TBC1D15: variants seen among roughly 807,000 people sequenced by gnomAD.
TBC1D15 encodes the protein TBC1 domain family member 15.
TBC1D15 carries 39 observed loss-of-function variants against 95.4 expected under a neutral mutation model. The observed-to-expected ratio is 0.41, with a 90% CI of 0.32 to 0.53. The LOEUF is 0.53. TBC1D15 is among the 20% of genes least tolerant of loss of function. The pLI, the probability that TBC1D15 is intolerant of heterozygous loss-of-function variation, is 0.29. For missense variants in TBC1D15, 733 were observed against 794.3 expected (o/e 0.92, Z 0.93); for synonymous variants, 258 against 261.3 (o/e 0.99, Z 0.12).
intron 10 of TBC1D15, among the ~76,000 whole-genome samples, chr12:71,906,194 T>C (rs1274622937): frequency 6.6e-6 from 1 of 152,070 alleles, no homozygotes; most frequent in Non-Finnish European, 1.5e-5. Context: ...TTGTAAAGAG[T>C]TTTGAGAAAG....
intron 14 of TBC1D15, among the ~76,000 whole-genome samples, chr12:71,919,818 G>A (rs1868559782): frequency 6.6e-6 from 1 of 152,056 alleles, no homozygotes; most frequent in Admixed American, 6.6e-5. Flanking sequence ...TCAAAAAATT[G>A]CATCCTCAGG....
chr12:71,892,084 C>A (rs1897281675), intron 5 of TBC1D15, among the ~76,000 whole-genome samples: 1 of 152,048 alleles, frequency 6.6e-6, no homozygotes, highest in African/African-American at 2.4e-5. Context: ...GTGAGAGAAT[C>A]TGTAAGTCTG....
chr12:71,872,618 CT>C (rs1892929720), intron 2 of TBC1D15, among the ~76,000 whole-genome samples: 1 of 152,076 alleles, frequency 6.6e-6, no homozygotes. Flanking sequence ...ATGTGCATTG[CT>C]TTTACACCAT....
chr12:71,869,230 AAAC>A (rs1167241121), intron 1 of TBC1D15, among the ~76,000 whole-genome samples: 1 of 152,212 alleles, frequency 6.6e-6, no homozygotes, highest in Non-Finnish European at 1.5e-5. Flanking sequence ...ATAATTAAAA[AAAC>A]AACTCAGGGC....
intron 4 of TBC1D15, among the ~76,000 whole-genome samples, chr12:71,881,965 T>C (rs892685830): frequency 1.4e-5 from 2 of 144,942 alleles, no homozygotes; most frequent in African/African-American, 5.1e-5. Flanking sequence ...TCTAAGCCCG[T>C]GGGTTCATTT....
chr12:71,876,703 T>C (rs962467594), intron 3 of TBC1D15, among the ~76,000 whole-genome samples: 26 of 152,286 alleles, frequency 1.7e-4, no homozygotes, highest in African/African-American at 5.5e-4. Flanking sequence ...TGTTTTGTTT[T>C]GTTTTTGTTT....
chr12:71,866,362 G>T (rs1891509720), intron 1 of TBC1D15, among the ~76,000 whole-genome samples: 1 of 152,234 alleles, frequency 6.6e-6, no homozygotes, highest in Non-Finnish European at 1.5e-5. Context: ...CTCAGCTGGG[G>T]TTAGTGCCTG....
chr12:71,859,248 T>C (rs553088466), intron 1 of TBC1D15, among the ~76,000 whole-genome samples: 2 of 152,334 alleles, frequency 1.3e-5, no homozygotes, highest in African/African-American at 4.8e-5. Flanking sequence ...GTATGTCTTC[T>C]TTTGAGAGAT....
chr12:71,850,858 G>A lies in TBC1D15; in HGVS notation c.30+11047G>A, dbSNP rs535607368. Among the ~76,000 whole-genome samples the A allele has an allele frequency of 1.1e-4, 17 of 151,596 alleles. 1 individual carries two copies. In the South Asian group the frequency reaches 1.2e-3, roughly 11 times the overall value. ...AAAAATTAGCCAGGTGTTGTGGCGC[G>A]CGCCTATAGTCCCAACTACTTGGGA... On this transcript the variant is annotated intron_variant, in intron 1 of 16. Transcript: ENST00000485960.
intron 5 of TBC1D15, among the ~76,000 whole-genome samples, chr12:71,887,149 T>C (rs1366425792): frequency 1.5e-5 from 2 of 137,172 alleles, no homozygotes; most frequent in East Asian, 4.6e-4. Flanking sequence ...TTTCTACTTA[T>C]TGAAACCGGA....
rs545217492 is a variant in TBC1D15, at chr12:71,911,890, A to G, written c.1301-1936A>G. 1.5e-4 allele frequency among the ~76,000 whole-genome samples: 23 copies of G among 152,336 alleles called. 1 individual carries two copies. The South Asian group carries it at 3.9e-3, about 26-fold the overall frequency. On this transcript the variant is annotated intron_variant, in intron 11 of 16. Coordinates refer to ENST00000485960, the MANE Select transcript of TBC1D15 (RefSeq NM_001146213.3). ...AACAGAAGAAATATGTAGTGATTCC[A>G]TAAGAAAGCTGAAGACTTAAAGGAT...
intron 1 of TBC1D15, 58 bp from the exon 2 acceptor site, chr12:71,872,012 C>T: frequency 1.4e-6 from 1 of 691,624 alleles, no homozygotes. Flanking sequence ...AATATTTTAA[C>T]ATGTTAAAAT....
At chr12:71,909,532 A>G (rs1425291210) in intron 11 of TBC1D15, among the ~76,000 whole-genome samples, 1 of 152,212 alleles carries the variant, frequency 6.6e-6, no homozygotes, top group Non-Finnish European at 1.5e-5. Flanking sequence ...GTGATACTGA[A>G]TAATCAATGA....
At chr12:71,859,535 A>G (rs1889915680) in intron 1 of TBC1D15, among the ~76,000 whole-genome samples, 1 of 152,006 alleles carries the variant, frequency 6.6e-6, no homozygotes, top group African/African-American at 2.4e-5. Context: ...TGCCCTGAAT[A>G]ATTTCCTCTA....
chr12:71,872,208 TG>T, intron 2 of TBC1D15, 40 bp downstream of exon 2: 1 of 1,180,022 alleles, frequency 8.5e-7, no homozygotes, highest in Admixed American at 2.4e-5. Context: ...TAATAGTTTA[TG>T]GTAGTGATTC....
At chr12:71,915,508 G>T (rs780384902) in intron 12 of TBC1D15, among the ~76,000 whole-genome samples, 9 of 147,542 alleles carry the variant, frequency 6.1e-5, no homozygotes, top group Non-Finnish European at 1.3e-4. Context: ...CATGCAATAA[G>T]TTTTCAATAA....
Position 71,839,791 on chromosome 12 carries a change from G to C in TBC1D15, c.10G>C (p.Ala4Pro), listed in dbSNP as rs998789649. 3.7e-6 allele frequency: 6 copies of C among 1,614,192 alleles called. No individual in the cohort carries two copies. The highest frequency in any genetic ancestry group is 1.7e-5 in the Admixed American group (1 of 60,026). MAA[A>P]GVVSGKIIYE... is the part of the protein sequence containing the mutation. ...GGCACGCGCAGGAAACATGGCGGCG[G>C]CGGGTGTTGTGAGCGGGAAGGTAGG... The change falls in exon 1 of 17, where the codon GCG (alanine) becomes CCG (proline). Residue 4 changes from alanine (A) to proline (P), a missense_variant. By Grantham distance (27) the Ala-to-Pro change is conservative. Transcript: ENST00000485960.
intron 5 of TBC1D15, among the ~76,000 whole-genome samples, chr12:71,887,158 G>A (rs1460669727): frequency 7.6e-6 from 1 of 131,554 alleles, no homozygotes; most frequent in African/African-American, 3.1e-5. Flanking sequence ...ATTGAAACCG[G>A]ATCATTGTAT....
intron 1 of TBC1D15, among the ~76,000 whole-genome samples, chr12:71,858,858 C>G (rs997094659): frequency 1.3e-5 from 2 of 151,962 alleles, no homozygotes; most frequent in African/African-American, 4.8e-5. Flanking sequence ...TGCCTGGCCA[C>G]TGTTTTTAGT....
Sources: gnomAD v4.1 joint callset for allele counts (sites outside exome capture counted in the v4.1 genomes callset) on GRCh38, gnomAD v4.1.1 for gene constraint, MANE v1.5 for transcripts, NCBI Gene and HGNC (gene_info 2026-07-23, HGNC 2026-07-21) for gene names.